The following MROH2B variants were observed in gnomAD, a reference collection of about 807,000 sequenced individuals.
MROH2B encodes maestro heat like repeat family member 2B, also known as maestro heat-like repeat-containing protein family member 2B.
MROH2B carries 177 observed loss-of-function variants against 208.6 expected under a neutral mutation model. The observed-to-expected ratio is 0.85, with a 90% confidence interval of 0.75 to 0.96. MROH2B has a LOEUF of 0.96. Ranked by LOEUF, MROH2B falls within the 40% of genes least tolerant of loss-of-function variation. The pLI, the probability that MROH2B is intolerant of heterozygous loss-of-function variation, is 0.00. For missense variants in MROH2B, 2,002 were observed against 1,878.7 expected (o/e 1.07, Z -1.21); for synonymous variants, 728 against 659.0 (o/e 1.10, Z -1.60).
At chr5:41,065,059 C>T (rs1561309199) in intron 4 of MROH2B, among the ~76,000 whole-genome samples, 1 of 152,158 alleles carries the variant, frequency 6.6e-6, no homozygotes, top group Non-Finnish European at 1.5e-5. Context: ...ATAGAATACA[C>T]CTTACAGAAA....
intron 27 of MROH2B, 84 bp downstream of exon 27, chr5:41,018,257 T>C: frequency 1.5e-6 from 2 of 1,348,206 alleles, no homozygotes; most frequent in South Asian, 2.6e-5. Context: ...CGATCCATCA[T>C]GCAGGAGTTT....
intron 11 of MROH2B, among the ~76,000 whole-genome samples, chr5:41,053,633 C>G (rs530629984): frequency 2.0e-3 from 308 of 152,230 alleles, no homozygotes; most frequent in Non-Finnish European, 3.2e-3. Context: ...CAGTAGTCTA[C>G]CTAGAGAAGA....
chr5:41,063,005 G>A lies in MROH2B; in HGVS notation c.461-1281C>T, dbSNP rs553487511. ...AATGACTAGGTATGGATGAATGGCT[G>A]GATGGCTGAATGGCTGGATGGATAG... On this transcript the variant is annotated intron_variant, in intron 5 of 41. Coordinates refer to ENST00000399564, the MANE Select transcript of MROH2B (RefSeq NM_173489.5). 2.0e-5 allele frequency among the ~76,000 whole-genome samples: 3 copies of A among 152,240 alleles called. No homozygotes were observed. In the South Asian group the frequency reaches 6.2e-4, roughly 32 times the overall value.
rs186633756 is a variant in MROH2B at position 41,030,435 on chromosome 5, A to G, written c.2441+2307T>C. ...AACCAAGGAAGTGAAGGATCTCTACAAGGAAAACTACAAAGCACTGCTAAA... is the reference window on the plus strand; with the variant it reads ...AACCAAGGAAGTGAAGGATCTCTACGAGGAAAACTACAAAGCACTGCTAAA... On this transcript the variant is annotated intron_variant, in intron 24 of 41. Coordinates refer to ENST00000399564, the MANE Select transcript of MROH2B (RefSeq NM_173489.5). 2.2e-3 allele frequency among the ~76,000 whole-genome samples: 332 copies of G among 152,238 alleles called. 2 individuals are homozygous for G. The highest frequency in any genetic ancestry group is 2.7e-3 in the Non-Finnish European group (181 of 68,000).
At position 41,004,405 on chromosome 5, in the gene MROH2B, G is replaced by A. The variant is rs1741501656; in HGVS notation, c.4135C>T (p.Arg1379Ter). Residue 1379 changes from arginine to a stop codon, truncating the protein, a stop_gained, in exon 37 of 42, where the codon CGA (arginine) becomes TGA (stop). Coordinates refer to ENST00000399564, the MANE Select transcript of MROH2B (RefSeq NM_173489.5). LOFTEE classifies it high-confidence loss of function. The stretch of plus-strand genomic sequence containing the variant: ...TCCTTGAAGTAGAAGCTCACGTCTC[G>A]GTCTGTCAGCAGCTCCAGGATTTTT... Reference protein sequence around the residue: ...LKKILELLTDRDVSFYFKEIV... With the variant: ...LKKILELLTD 3.7e-6 allele frequency: 6 copies of A among 1,613,924 alleles called. No homozygotes were observed. The highest frequency in any genetic ancestry group is 2.2e-5 in the South Asian group (2 of 91,078).
chr5:40,998,050 G>A lies in MROH2B; in HGVS notation c.*2C>T. The A allele has an allele frequency of 6.2e-7, 1 of 1,602,762 alleles. No individual in the cohort carries two copies. The highest frequency in any genetic ancestry group is 8.5e-7 in the Non-Finnish European group (1 of 1,171,534). ...AAAGCCAGCAGTTTATTTCTTGATG[G>A]CTTACAGAGGAATGCTTGTCTCTTT... On this transcript the variant is annotated 3_prime_UTR_variant, in exon 42 of 42. Coordinates refer to ENST00000399564, the MANE Select transcript of MROH2B (RefSeq NM_173489.5).
Position 41,038,863 on chromosome 5 carries a change from A to C in MROH2B, c.2087T>G (p.Leu696Arg), listed in dbSNP as rs201250871. ...CKSLFSGKKS[L>R]TKTDVMVIYG... is the part of the protein sequence containing the mutation. ...GATGACCATGACATCTGTCTTGGTC[A>C]GGCTCTTTTTCCCAGAAAAAAGGCT... Residue 696 changes from leucine (L) to arginine (R), a missense_variant, in exon 21 of 42, where the codon CTG (leucine) becomes CGG (arginine). Coordinates refer to ENST00000399564, the MANE Select transcript of MROH2B (RefSeq NM_173489.5). The C allele has an allele frequency of 5.7e-4, 923 of 1,608,522 alleles. No individual in the cohort carries two copies. Among genetic ancestry groups the C allele is most frequent in the Non-Finnish European group, 7.4e-4 (874 of 1,177,726 alleles).
intron 21 of MROH2B, among the ~76,000 whole-genome samples, chr5:41,037,746 T>C (rs1385322273): frequency 3.3e-5 from 5 of 152,308 alleles, no homozygotes; most frequent in East Asian, 1.9e-4. Context: ...GCCTCCCACA[T>C]TGATCTATAA....
Position 41,012,088 on chromosome 5 carries a change from A to T in MROH2B, c.3135+495T>A, listed in dbSNP as rs573225240. ...AGCTTCCTGAATTTAAATCCTGTTC[A>T]CTCTGCTTAACTCTCCAGTTGGGAA... On this transcript the variant is annotated intron_variant, in intron 30 of 41. Coordinates refer to ENST00000399564, the MANE Select transcript of MROH2B (RefSeq NM_173489.5). Among the ~76,000 whole-genome samples the T allele has an allele frequency of 4.3e-4, 66 of 152,162 alleles. No individual in the cohort carries two copies. In the South Asian group the frequency reaches 7.5e-3, roughly 17 times the overall value.
At chr5:41,069,847 T>G in intron 1 of MROH2B, 95 bp from the exon 2 acceptor site, 1 of 927,584 alleles carries the variant, frequency 1.1e-6, no homozygotes, top group East Asian at 2.7e-5. Context: ...TTCATTCATT[T>G]ATCCTCTCTC....
At chr5:41,061,187 A>G (rs1743625815) in intron 6 of MROH2B, among the ~76,000 whole-genome samples, 1 of 152,230 alleles carries the variant, frequency 6.6e-6, no homozygotes, top group Non-Finnish European at 1.5e-5. Context: ...TTAGTGACTC[A>G]GCTCATATAT....
intron 5 of MROH2B, among the ~76,000 whole-genome samples, chr5:41,062,817 T>C (rs1239458663): frequency 3.3e-5 from 5 of 152,082 alleles, no homozygotes; most frequent in Admixed American, 6.6e-5. Flanking sequence ...TTTATAATAG[T>C]TTATTTCTTG....
rs908797879 is a variant in MROH2B at position 41,000,711 on chromosome 5, C to G, written c.4317G>C (p.Leu1439=). 1.2e-6 allele frequency: 2 copies of G among 1,612,512 alleles called. No individual in the cohort carries two copies. The highest frequency in any genetic ancestry group is 1.7e-6 in the Non-Finnish European group (2 of 1,179,340). ...EIKKSLISFL[L]HLWDPNPKIG... ...TCTTGGGGTTGGGATCCCAAAGGTG[C>G]AGAAGGAATGAAATCAGGCTCTTTT... Residue 1439 remains leucine, a synonymous_variant, in exon 38 of 42, where the codon CTG becomes CTC. Coordinates refer to ENST00000399564, the MANE Select transcript of MROH2B (RefSeq NM_173489.5).
intron 9 of MROH2B, among the ~76,000 whole-genome samples, chr5:41,056,557 G>A (rs561611134): frequency 6.6e-6 from 1 of 152,000 alleles, no homozygotes; most frequent in African/African-American, 2.4e-5. Context: ...GCATAGTTTT[G>A]TATTCTGACC....
chr5:40,999,952 G>T, intron 39 of MROH2B, 173 bp from the exon 40 acceptor site: 1 of 685,142 alleles, frequency 1.5e-6, no homozygotes. Flanking sequence ...TAATCAGGAA[G>T]CCATCAGAGT....
In MROH2B at chr5:40,998,160, T is replaced by C. The variant is rs771065823; in HGVS notation, c.4652-2A>G. ...GATCTTGACGAAGTGCTTGGAGTCC[T>C]GAAATGGCAAGAATAGCAAATAAGT... On this transcript the variant is annotated splice_acceptor_variant, in intron 41 of 41. Coordinates refer to ENST00000399564, the MANE Select transcript of MROH2B (RefSeq NM_173489.5). LOFTEE classifies it high-confidence loss of function. The C allele has an allele frequency of 3.7e-6, 6 of 1,606,254 alleles. No individual in the cohort carries two copies. Among genetic ancestry groups the C allele is most frequent in the Non-Finnish European group, 5.1e-6 (6 of 1,174,642 alleles).
chr5:41,038,594 A>G, intron 21 of MROH2B, 142 bp downstream of exon 21: 2 of 704,922 alleles, frequency 2.8e-6, no homozygotes, highest in East Asian at 5.8e-5. Flanking sequence ...TCCACGAGAC[A>G]TTTACTGTAT....
In MROH2B at chr5:40,999,706, A is replaced by G. The variant is rs768806816; in HGVS notation, c.4556T>C (p.Val1519Ala). 6.2e-7 allele frequency: 1 copy of G among 1,613,202 alleles called. No homozygotes were observed. The highest frequency in any genetic ancestry group is 2.2e-5 in the East Asian group (1 of 44,846). Residue 1519 changes from valine (V) to alanine (A), a missense_variant, in exon 40 of 42, where the codon GTG becomes GCG. Coordinates refer to ENST00000399564, the MANE Select transcript of MROH2B (RefSeq NM_173489.5). ...SFTFFTSTWE[V>A]IRSAAVKLTD... ...GAGTTTGACAGCTGCACTCCTGATC[A>G]CCTCCCAGGTGCTGGTGAAGAAGGT...
intron 17 of MROH2B, among the ~76,000 whole-genome samples, chr5:41,047,123 G>T (rs1486300243): frequency 2.0e-5 from 3 of 152,098 alleles, no homozygotes; most frequent in African/African-American, 7.2e-5. Flanking sequence ...CGTCCCTCCT[G>T]CAAGTTTCTG....
Sources: gnomAD v4.1 joint callset for allele counts (sites outside exome capture counted in the v4.1 genomes callset) on GRCh38, gnomAD v4.1.1 for gene constraint, MANE v1.5 for transcripts, NCBI Gene and HGNC (gene_info 2026-07-23, HGNC 2026-07-21) for gene names.